ZIC4: variants seen among roughly 807,000 people sequenced by gnomAD.
ZIC4 encodes zinc finger protein ZIC 4.
ZIC4 carries 15 observed loss-of-function variants against 28.8 expected under a neutral mutation model. The ratio of observed to expected loss-of-function variants is 0.52; its 90% CI spans 0.35 to 0.80. The LOEUF (loss-of-function observed/expected upper bound fraction) is 0.80. Among genes scored for constraint, ZIC4 ranks in the 30% least tolerant of loss-of-function variants. The probability of loss-of-function intolerance (pLI) is 0.01; values close to 1 mark genes in which losing one functional copy is unlikely to be tolerated. For missense variants in ZIC4, 512 were observed against 467.1 expected (o/e 1.10, Z -0.89); for synonymous variants, 220 against 198.1 (o/e 1.11, Z -0.93).
chr3:147,391,118 T>C lies in ZIC4; in HGVS notation c.817A>G (p.Lys273Glu). ...AGCGAGCTGGGGTGCGTGTAGCACTTGTCGCAGCCCCGCACCTTGCACGTG... is the reference window on the plus strand; with the variant it reads ...AGCGAGCTGGGGTGCGTGTAGCACTCGTCGCAGCCCCGCACCTTGCACGTG... ...PYTCKVRGCD[K>E]CYTHPSSLRK... The change falls in exon 4 of 5, where the codon AAG becomes GAG. Residue 273 changes from lysine to glutamate, a missense_variant. Around this residue, in one of 3 missense-constraint regions of ZIC4, gnomAD observed 144 missense variants for 116.8 expected, o/e 1.23. Coordinates refer to ENST00000383075, the MANE Select transcript of ZIC4 (RefSeq NM_032153.6). The C allele has an allele frequency of 1.2e-6, 2 of 1,614,156 alleles. No homozygotes were observed. The highest frequency in any genetic ancestry group is 1.7e-6 in the Non-Finnish European group (2 of 1,180,006).
At position 147,391,003 on chromosome 3, in the gene ZIC4, G is replaced by A. The variant is rs998956801; in HGVS notation, c.932C>T (p.Ser311Leu). 1.9e-6 allele frequency: 3 copies of A among 1,613,404 alleles called. No individual in the cohort carries two copies. Among genetic ancestry groups the A allele is most frequent in the Middle Eastern group, 1.7e-4 (1 of 6,054 alleles). Residue 311 changes from serine to leucine, a missense_variant, in exon 4 of 5, where the codon TCG becomes TTG. Physicochemically the swap from Ser to Leu is moderately radical, Grantham distance 145 (BLOSUM62 -2). Transcript: ENST00000383075. ...CACCTGGGACTTGTGGCCGCAGTCC[G>A]ACGAGGGCGACACGAGGGCAGACGG... ...ATPSALVSPSSDCGHKSQVAS... is the reference protein window; with the variant it reads ...ATPSALVSPSLDCGHKSQVAS...
At position 147,390,947 on chromosome 3, in the gene ZIC4, C is replaced by T. The variant is rs775064886; in HGVS notation, c.988G>A (p.Ala330Thr). 1.1e-5 allele frequency: 17 copies of T among 1,610,060 alleles called. No homozygotes were observed. Among genetic ancestry groups the T allele is most frequent in the Non-Finnish European group, 1.4e-5 (17 of 1,178,392 alleles). The change falls in exon 4 of 5, where the codon GCC becomes ACC. Residue 330 changes from alanine to threonine, a missense_variant. By Grantham distance (58) the Ala-to-Thr change is moderately conservative. Around this residue, in one of 3 missense-constraint regions of ZIC4, gnomAD observed 144 missense variants for 116.8 expected, o/e 1.23. Coordinates refer to ENST00000383075, the MANE Select transcript of ZIC4 (RefSeq NM_032153.6). Reference sequence around the variant, plus strand: ...CACACGTACCATTCGCTCAAGTCGGCGGTACGCGCCGCCACCGCCGCCGAG... The same window carrying T: ...CACACGTACCATTCGCTCAAGTCGGTGGTACGCGCCGCCACCGCCGCCGAG... ...ASSAAVAART[A>T]DLSE
At chr3:147,392,330 G>T (rs1169215790) in intron 3 of ZIC4, 8 of 985,556 alleles carry the variant, frequency 8.1e-6, no homozygotes, top group Non-Finnish European at 9.6e-6. Context: ...GGCTGGGATC[G>T]GTGGCTGCGA....
intron 1 of ZIC4, 27 bp from the exon 2 acceptor site, chr3:147,402,839 C>T (rs771816984): frequency 6.2e-6 from 10 of 1,601,116 alleles, no homozygotes; most frequent in Non-Finnish European, 8.5e-6. Context: ...GAGTGACAGT[C>T]ACTAGTTAAA....
chr3:147,395,592 T>G (rs2087021813), intron 3 of ZIC4, among the ~76,000 whole-genome samples: 1 of 152,186 alleles, frequency 6.6e-6, no homozygotes, highest in Non-Finnish European at 1.5e-5. Flanking sequence ...AGAGCACATG[T>G]TTGCACACAC....
intron 1 of ZIC4, among the ~76,000 whole-genome samples, chr3:147,404,942 T>C (rs1296505008): frequency 2.6e-5 from 4 of 152,174 alleles, no homozygotes; most frequent in African/African-American, 9.7e-5. Flanking sequence ...CGCTGCAACT[T>C]GTCCCTGGCG....
intron 3 of ZIC4, among the ~76,000 whole-genome samples, chr3:147,395,167 G>A (rs111869758): frequency 6.6e-6 from 1 of 152,182 alleles, no homozygotes; most frequent in East Asian, 1.9e-4. Flanking sequence ...TCTGGCCAGA[G>A]GAGTTCAATT....
rs942535126 is a variant in ZIC4 at position 147,391,475 on chromosome 3, T to C, written c.689-229A>G. 1.6e-5 allele frequency: 8 copies of C among 497,786 alleles called. No individual in the cohort carries two copies. In the Admixed American group the frequency reaches 2.6e-4, roughly 16 times the overall value. The allele number at this position is 497,786 out of a possible 1,614,324, so 30.8% of individuals were successfully genotyped here. A position where few individuals can be genotyped will look rare whatever the true frequency, so the allele number is the denominator to read the frequency against. On this transcript the variant is annotated intron_variant, in intron 3 of 4. Coordinates refer to ENST00000383075, the MANE Select transcript of ZIC4 (RefSeq NM_032153.6). ...CTCCCGCCTTCCTCCTCTGGGCTCA[T>C]GGGGAGGGTATGGAGGAGGAGCGAC...
chr3:147,394,979 G>A (rs563586113), intron 3 of ZIC4, among the ~76,000 whole-genome samples: 4 of 152,224 alleles, frequency 2.6e-5, no homozygotes, highest in South Asian at 4.1e-4. Flanking sequence ...CCCTTCTCCC[G>A]CCCCCAAAAT....
intron 2 of ZIC4, among the ~76,000 whole-genome samples, chr3:147,398,214 C>T (rs191351803): frequency 6.6e-6 from 1 of 152,306 alleles, no homozygotes; most frequent in Non-Finnish European, 1.5e-5. Context: ...AGCGCTATAC[C>T]CCGCAGTCGT....
At chr3:147,404,361 C>A in intron 1 of ZIC4, 2 of 1,167,762 alleles carry the variant, frequency 1.7e-6, no homozygotes, top group South Asian at 2.8e-5. Flanking sequence ...TGGACTAGGG[C>A]AGGCAACAGG....
At chr3:147,393,660 T>G (rs2086974527) in intron 3 of ZIC4, 1 of 292,482 alleles carries the variant, frequency 3.4e-6, no homozygotes, top group Admixed American at 4.9e-5. Flanking sequence ...CACTTGTGGC[T>G]GGATCTGGTT....
chr3:147,402,870 G>A, intron 1 of ZIC4, 58 bp from the exon 2 acceptor site: 1 of 1,416,628 alleles, frequency 7.1e-7, no homozygotes, highest in South Asian at 1.2e-5. Flanking sequence ...CGTCTGTGTG[G>A]CAACATCCTG....
chr3:147,395,819 G>T, intron 3 of ZIC4, 33 bp downstream of exon 3: 1 of 1,583,736 alleles, frequency 6.3e-7, no homozygotes, highest in Non-Finnish European at 8.6e-7. Flanking sequence ...TCCCCAGAGG[G>T]TCCGCACGCG....
At position 147,388,850 on chromosome 3, in the gene ZIC4, C is replaced by G; in HGVS notation, c.*9G>C. The G allele has an allele frequency of 1.3e-6, 1 of 780,072 alleles. No homozygotes were observed. Among genetic ancestry groups the G allele is most frequent in the Non-Finnish European group, 2.4e-6 (1 of 417,946 alleles). 48.3% of individuals were successfully genotyped at this position (780,072 alleles called of 1,614,324 possible). On this transcript the variant is annotated 3_prime_UTR_variant, in exon 5 of 5. Transcript: ENST00000383075. ...GAGCGAGATTACCTTGCGAGCAACG[C>G]GGTGGACATCTGTAACAAGCAAATG...
At position 147,396,117 on chromosome 3, in the gene ZIC4, C is replaced by T. The variant is rs1576459784; in HGVS notation, c.423G>A (p.Pro141=). Residue 141 remains proline (P), a synonymous_variant, in exon 3 of 5, where the codon CCG becomes CCA. Coordinates refer to ENST00000383075, the MANE Select transcript of ZIC4 (RefSeq NM_032153.6). The surrounding 1 kb of genome is among the most constrained non-coding windows in gnomAD (Gnocchi z 4.2). ...TGCTGAAAGTTTTGGAGCAGAGGCT[C>T]GGGGTCGCGGTGCCGTCGGCCGCCA... ...KWLAADGTAT[P]SLCSKTFSTM... 6.2e-7 allele frequency: 1 copy of T among 1,614,036 alleles called. No individual in the cohort carries two copies. The highest frequency in any genetic ancestry group is 8.5e-7 in the Non-Finnish European group (1 of 1,180,038).
In ZIC4 at chr3:147,396,685, C is replaced by T; in HGVS notation, c.71-216G>A. ...CCGAATTGCTGTTGGGCCAAGTCCC[C>T]CGCCGCGCCATGAGCTAGAGAGGGA... On this transcript the variant is annotated intron_variant, in intron 2 of 4. Coordinates refer to ENST00000383075, the MANE Select transcript of ZIC4 (RefSeq NM_032153.6). The surrounding 1 kb of genome is among the most constrained non-coding windows in gnomAD (Gnocchi z 4.2). 1 of 519,560 alleles carries T rather than the reference C, an allele frequency of 1.9e-6. No individual in the cohort carries two copies. The highest frequency in any genetic ancestry group is 3.2e-6 in the Non-Finnish European group (1 of 310,874). 32.2% of individuals were successfully genotyped at this position (519,560 alleles called of 1,614,324 possible).
At chr3:147,404,158 G>T (rs1415312482) in intron 1 of ZIC4, 4 of 1,522,982 alleles carry the variant, frequency 2.6e-6, no homozygotes, top group Non-Finnish European at 2.6e-6. Context: ...GAAAAGTCCT[G>T]GTTGGTTGGC....
At chr3:147,390,814 A>G in intron 4 of ZIC4, 117 bp downstream of exon 4, 4 of 1,292,916 alleles carry the variant, frequency 3.1e-6, no homozygotes, top group Non-Finnish European at 4.2e-6. Context: ...AGCAGCAATC[A>G]CAGAGGCAGC....
Sources: allele counts gnomAD v4.1 joint callset (sites outside exome capture counted in the v4.1 genomes callset), GRCh38; gene constraint gnomAD v4.1.1; regional missense constraint gnomAD v4.1.1; non-coding constraint Gnocchi (gnomAD v3.1); transcripts MANE v1.5; gene names NCBI Gene and HGNC (gene_info 2026-07-23, HGNC 2026-07-21).